ZNF214: variants seen among roughly 807,000 people sequenced by gnomAD.
ZNF214 encodes zinc finger protein 214, also known as BWSCR2-associated zinc finger protein 1.
A neutral mutation model predicts 53.9 loss-of-function variants in ZNF214; 43 were observed. The observed-to-expected ratio is 0.80, with a 90% CI of 0.63 to 1.03. The LOEUF is 1.03. ZNF214 is among the 50% of genes least tolerant of loss of function. The pLI is 0.00. For synonymous variants in ZNF214, 217 were observed against 229.5 expected (o/e 0.95, Z 0.49); for missense variants, 724 against 719.1 (o/e 1.01, Z -0.08).
rs1851329097 is a variant in ZNF214, at chr11:7,000,984, C to G, written c.699G>C (p.Arg233=). The G allele has an allele frequency of 6.2e-7, 1 of 1,612,978 alleles. No individual in the cohort carries two copies. The highest frequency in any genetic ancestry group is 8.5e-7 in the Non-Finnish European group (1 of 1,179,548). The change falls in exon 3 of 3, where the codon CGG becomes CGC. Residue 233 remains arginine (R), a synonymous_variant. Coordinates refer to ENST00000278314, the MANE Select transcript of ZNF214 (RefSeq NM_013249.4). ...GTTGATTTCTCTTGTGGAAAACACACCGTGAGTTCCAATAATAAATTCCTT... is the reference window on the plus strand; with the variant it reads ...GTTGATTTCTCTTGTGGAAAACACAGCGTGAGTTCCAATAATAAATTCCTT... ...KCKGIYYWNS[R]CVFHKRNQPG...
chr11:6,997,783 T>G lies in ZNF214; in HGVS notation c.*2079A>C. Among the ~76,000 whole-genome samples the G allele has an allele frequency of 6.6e-6, 1 of 151,892 alleles. No homozygotes were observed. The highest frequency in any genetic ancestry group is 1.9e-4 in the East Asian group (1 of 5,178). ...TTTAGTGTAAGTCCCATGCAATATTTGGGACACCCTTATACTAAAACAATT... is the reference window on the plus strand; with the variant it reads ...TTTAGTGTAAGTCCCATGCAATATTGGGGACACCCTTATACTAAAACAATT... On this transcript the variant is annotated 3_prime_UTR_variant, in exon 3 of 3. Transcript: ENST00000278314.
At position 7,000,089 on chromosome 11, in the gene ZNF214, C is replaced by T. The variant is rs755316601; in HGVS notation, c.1594G>A (p.Gly532Arg). The T allele has an allele frequency of 1.2e-6, 2 of 1,613,374 alleles. No homozygotes were observed. Among genetic ancestry groups the T allele is most frequent in the Non-Finnish European group, 1.7e-6 (2 of 1,179,564 alleles). ...GEKPYKCHDC[G>R]KGFSHSSNLH... ...TTAGAACTGTGACTAAAACCCTTTCCACAATCATGACATTTATAGGGCTTT... is the reference window on the plus strand; with the variant it reads ...TTAGAACTGTGACTAAAACCCTTTCTACAATCATGACATTTATAGGGCTTT... The change falls in exon 3 of 3, where the codon GGA becomes AGA. Residue 532 changes from glycine to arginine, a missense_variant. By Grantham distance (125) the Gly-to-Arg change is moderately radical. Coordinates refer to ENST00000278314, the MANE Select transcript of ZNF214 (RefSeq NM_013249.4).
rs1424594894 is a variant in ZNF214 at position 7,000,379 on chromosome 11, ACT to A, written c.1302_1303del (p.Arg434SerfsTer9). The A allele has an allele frequency of 3.1e-6, 5 of 1,613,316 alleles. No homozygotes were observed. Among genetic ancestry groups the A allele is most frequent in the Non-Finnish European group, 4.2e-6 (5 of 1,179,584 alleles). On this transcript the variant is annotated frameshift_variant, in exon 3 of 3. Transcript: ENST00000278314. LOFTEE classifies it high-confidence loss of function. Reference sequence around the variant, plus strand: ...TTTATAAGGTTTCTCTCCTGTATGCACTCTCTGATGAATTTGAAGATTTGAGC... The same window carrying A: ...TTTATAAGGTTTCTCTCCTGTATGCACTCTGATGAATTTGAAGATTTGAGC...
At chr11:7,016,572 C>T (rs1851775270) in intron 1 of ZNF214, among the ~76,000 whole-genome samples, 1 of 152,064 alleles carries the variant, frequency 6.6e-6, no homozygotes, top group Admixed American at 6.6e-5. Flanking sequence ...AAAGGGACAA[C>T]AATAAAAACA....
At position 7,001,143 on chromosome 11, in the gene ZNF214, T is replaced by C; in HGVS notation, c.540A>G (p.Lys180=). 1.2e-6 allele frequency: 2 copies of C among 1,613,274 alleles called. No individual in the cohort carries two copies. The highest frequency in any genetic ancestry group is 1.7e-6 in the Non-Finnish European group (2 of 1,179,524). The change falls in exon 3 of 3, where the codon AAA becomes AAG. Residue 180 remains lysine (K), a synonymous_variant. Transcript: ENST00000278314. ...GISRKNLSME[K]EQKLIVQHSY... ...AATGCTGAACTATGAGCTTCTGTTC[T>C]TTTTCCATGGAGAGGTTTTTCCTGG...
chr11:7,014,312 T>C (rs1589845351), intron 1 of ZNF214, among the ~76,000 whole-genome samples: 1 of 152,262 alleles, frequency 6.6e-6, no homozygotes, highest in Admixed American at 6.5e-5. Context: ...AGTTAGAGCA[T>C]AATAAATGCT....
chr11:7,011,694 C>T (rs1851608965), intron 1 of ZNF214, among the ~76,000 whole-genome samples: 1 of 151,836 alleles, frequency 6.6e-6, no homozygotes, highest in South Asian at 2.1e-4. Context: ...CTAAGAGCTA[C>T]AAGAATTAGA....
At position 6,997,437 on chromosome 11, in the gene ZNF214, C is replaced by T. The variant is rs531426633; in HGVS notation, c.*2425G>A. Among the ~76,000 whole-genome samples, 21 of 151,676 alleles carry T rather than the reference C, an allele frequency of 1.4e-4. No individual in the cohort carries two copies. The highest frequency in any genetic ancestry group is 3.6e-4 in the African/African-American group (15 of 41,426). ...ACATTTGGCTTTAATCATCTTGATC[C>T]GTTTATTTTAATATTTTAGGCCAAC... On this transcript the variant is annotated 3_prime_UTR_variant, in exon 3 of 3. Transcript: ENST00000278314.
intron 1 of ZNF214, 79 bp from the exon 2 acceptor site, chr11:7,002,934 G>GA (rs1237694568): frequency 1.5e-6 from 2 of 1,361,296 alleles, no homozygotes; most frequent in Non-Finnish European, 1.9e-6. Context: ...AAGCCGAATA[G>GA]AAAAAACAAG....
chr11:7,019,604 T>A (rs1404804980), intron 1 of ZNF214: 1 of 152,036 alleles, frequency 6.6e-6, no homozygotes, highest in Non-Finnish European at 1.5e-5. Flanking sequence ...CTGATCAAAG[T>A]CTCAACTGTG....
At chr11:7,004,948 A>G (rs11041130) in intron 1 of ZNF214, among the ~76,000 whole-genome samples, 7,191 of 152,156 alleles carry the variant, frequency 0.047, 329 homozygotes, top group African/African-American at 0.12. Context: ...GTTATGCAAT[A>G]ATAGATAACT....
At chr11:7,006,670 T>A (rs1851478940) in intron 1 of ZNF214, among the ~76,000 whole-genome samples, 1 of 152,092 alleles carries the variant, frequency 6.6e-6, no homozygotes, top group African/African-American at 2.4e-5. Flanking sequence ...TTATTATCCA[T>A]GTTCATTTAT....
chr11:7,012,655 T>C (rs936045462), intron 1 of ZNF214, among the ~76,000 whole-genome samples: 1 of 152,214 alleles, frequency 6.6e-6, no homozygotes, highest in African/African-American at 2.4e-5. Context: ...ACAAAAGTTT[T>C]CTCAAATTCT....
At chr11:7,019,088 G>C (rs866209365) in intron 1 of ZNF214, among the ~76,000 whole-genome samples, 3 of 152,314 alleles carry the variant, frequency 2.0e-5, no homozygotes, top group Non-Finnish European at 2.9e-5. Context: ...GAGGGAAACA[G>C]TGTACATTCC....
At chr11:7,009,092 A>G (rs1851544398) in intron 1 of ZNF214, among the ~76,000 whole-genome samples, 1 of 152,200 alleles carries the variant, frequency 6.6e-6, no homozygotes, top group Admixed American at 6.5e-5. Flanking sequence ...TTTAAAATTC[A>G]TATGGAACCA....
intron 1 of ZNF214, among the ~76,000 whole-genome samples, chr11:7,018,674 G>A (rs1005395978): frequency 4.0e-5 from 6 of 151,632 alleles, no homozygotes; most frequent in Non-Finnish European, 7.4e-5. Context: ...GCTAATTTTT[G>A]TATTTATAGT....
At chr11:7,008,124 T>C (rs796357744) in intron 1 of ZNF214, among the ~76,000 whole-genome samples, 7 of 152,186 alleles carry the variant, frequency 4.6e-5, no homozygotes, top group African/African-American at 1.4e-4. Flanking sequence ...AATGAAATAC[T>C]TGAAGGAAAC....
chr11:7,014,569 C>T (rs1851702297), intron 1 of ZNF214, among the ~76,000 whole-genome samples: 1 of 151,992 alleles, frequency 6.6e-6, no homozygotes, highest in Non-Finnish European at 1.5e-5. Flanking sequence ...GTTAAAAGCG[C>T]AGGAAAAAAC....
In ZNF214 at chr11:7,016,655, A is replaced by G. The variant is rs1851777337; in HGVS notation, c.-21+3418T>C. On this transcript the variant is annotated intron_variant, in intron 1 of 2. Coordinates refer to ENST00000278314, the MANE Select transcript of ZNF214 (RefSeq NM_013249.4). Reference sequence around the variant, plus strand: ...AGCCTCAAAAGTAATCTTTGTATACATATGTGTATGTGTAATTTGTATATG... The same window carrying G: ...AGCCTCAAAAGTAATCTTTGTATACGTATGTGTATGTGTAATTTGTATATG... 2.0e-5 allele frequency among the ~76,000 whole-genome samples: 3 copies of G among 152,220 alleles called. No homozygotes were observed. In the South Asian group the frequency reaches 6.2e-4, roughly 32 times the overall value.
Sources: allele counts gnomAD v4.1 joint callset (sites outside exome capture counted in the v4.1 genomes callset), GRCh38; gene constraint gnomAD v4.1.1; transcripts MANE v1.5; gene names NCBI Gene and HGNC (gene_info 2026-07-23, HGNC 2026-07-21).